Variants in DPEP1 observed in about 807,000 individuals in gnomAD.
DPEP1 encodes beta-lactamase.
In DPEP1, 50 loss-of-function variants were observed where a neutral mutation model predicts 42.3. The ratio of observed to expected loss-of-function variants is 1.18; its 90% CI spans 0.94 to 1.50. The LOEUF is 1.50. DPEP1 is among the 40% of genes most tolerant of loss of function. The probability of loss-of-function intolerance (pLI) is 0.00; values close to 1 mark genes in which losing one functional copy is unlikely to be tolerated. For missense variants in DPEP1, 663 were observed against 553.0 expected, an observed-to-expected ratio of 1.20 and a Z score of -1.99; for synonymous variants, 297 against 234.0, an observed-to-expected ratio of 1.27 and a Z score of -2.46.
chr16:89,628,281 G>C (rs60712648), intron 1 of DPEP1, among the ~76,000 whole-genome samples: 2 of 130,014 alleles, frequency 1.5e-5, no homozygotes, highest in African/African-American at 5.7e-5. Context: ...TTGTGAGATA[G>C]AGATTTACTC....
intron 1 of DPEP1, among the ~76,000 whole-genome samples, chr16:89,623,965 G>A (rs889646294): frequency 2.0e-5 from 3 of 152,094 alleles, no homozygotes; most frequent in East Asian, 3.9e-4. Flanking sequence ...AGGGAACAGC[G>A]GTTGCCCACA....
At position 89,635,977 on chromosome 16, in the gene DPEP1, G is replaced by T; in HGVS notation, c.174G>T (p.Leu58=). The T allele has an allele frequency of 6.2e-7, 1 of 1,612,314 alleles. No homozygotes were observed. Among genetic ancestry groups the T allele is most frequent in the Non-Finnish European group, 8.5e-7 (1 of 1,179,764 alleles). ...NNRLQDERAN[L]TTLAGTHTNI... is the part of the protein sequence containing the mutation. ...GGCTGCAGGACGAGAGGGCCAACCT[G>T]ACCACCTTGGCCGGCACACACACCA... Residue 58 remains leucine, a synonymous_variant, in exon 3 of 11, where the codon CTG becomes CTT. Coordinates refer to ENST00000690203, the MANE Select transcript of DPEP1 (RefSeq NM_001389466.1).
chr16:89,615,539 G>A (rs1029238363), intron 1 of DPEP1, among the ~76,000 whole-genome samples: 2 of 152,228 alleles, frequency 1.3e-5, no homozygotes, highest in African/African-American at 4.8e-5. Flanking sequence ...GTGGGTTAAA[G>A]GGCAGGACAC....
intron 1 of DPEP1, among the ~76,000 whole-genome samples, chr16:89,621,245 C>T (rs1049035794): frequency 2.0e-4 from 30 of 147,530 alleles, no homozygotes; most frequent in African/African-American, 5.8e-4. Flanking sequence ...GAAGAGCTCG[C>T]GCCCTGGTGC....
chr16:89,637,442 T>C (rs2059696990), intron 7 of DPEP1, 26 bp from the exon 8 acceptor site: 3 of 1,612,826 alleles, frequency 1.9e-6, no homozygotes, highest in Non-Finnish European at 2.5e-6. Context: ...AGCTCTCAGC[T>C]TCACCCTGTC....
In DPEP1 at chr16:89,622,214, C is replaced by T. The variant is rs140926948; in HGVS notation, c.-106-8091C>T. Among the ~76,000 whole-genome samples the T allele has an allele frequency of 1.8e-3, 281 of 152,240 alleles. 1 individual carries two copies. The highest frequency in any genetic ancestry group is 6.3e-3 in the African/African-American group (262 of 41,532). ...CAACGCTTCTCTAAACATTAACTTT[C>T]GGGGCCAGGACTACTAACCCCAGCT... On this transcript the variant is annotated intron_variant, in intron 1 of 10. Coordinates refer to ENST00000690203, the MANE Select transcript of DPEP1 (RefSeq NM_001389466.1).
chr16:89,636,734 G>A (rs776671332), intron 5 of DPEP1, 51 bp downstream of exon 5: 17 of 1,605,440 alleles, frequency 1.1e-5, no homozygotes, highest in Non-Finnish European at 1.4e-5. Flanking sequence ...GAGGGAGGGG[G>A]CAGACACTCC....
At chr16:89,624,481 C>T (rs553000259) in intron 1 of DPEP1, among the ~76,000 whole-genome samples, 1 of 151,650 alleles carries the variant, frequency 6.6e-6, no homozygotes, top group East Asian at 1.9e-4. Flanking sequence ...TTTATTAAAG[C>T]GAGAAAGGTC....
chr16:89,614,103 T>G (rs532650596), intron 1 of DPEP1, among the ~76,000 whole-genome samples: 66 of 151,612 alleles, frequency 4.4e-4, no homozygotes, highest in African/African-American at 1.5e-3. Context: ...GGGCCAGGTG[T>G]GTGGGGCAGG....
intron 1 of DPEP1, among the ~76,000 whole-genome samples, chr16:89,618,034 AAAAAAT>A (rs1047526748): frequency 6.6e-6 from 1 of 152,126 alleles, no homozygotes; most frequent in Non-Finnish European, 1.5e-5. Context: ...AAAAAATATA[AAAAAAT>A]AAAAATAAAA....
chr16:89,623,960 A>G (rs1240148418), intron 1 of DPEP1, among the ~76,000 whole-genome samples: 2 of 152,136 alleles, frequency 1.3e-5, no homozygotes, highest in Non-Finnish European at 2.9e-5. Context: ...CCTGGAGGGA[A>G]CAGCGGTTGC....
chr16:89,625,500 A>T (rs1034506103), intron 1 of DPEP1, among the ~76,000 whole-genome samples: 1 of 152,214 alleles, frequency 6.6e-6, no homozygotes, highest in Non-Finnish European at 1.5e-5. Flanking sequence ...AAACTCTATC[A>T]GGACTATAAA....
At chr16:89,625,818 A>G (rs2059504409) in intron 1 of DPEP1, among the ~76,000 whole-genome samples, 1 of 152,212 alleles carries the variant, frequency 6.6e-6, no homozygotes, top group Non-Finnish European at 1.5e-5. Context: ...AGGTACATCC[A>G]TGACTTCTAC....
intron 1 of DPEP1, among the ~76,000 whole-genome samples, chr16:89,614,957 A>G (rs918057342): frequency 1.1e-4 from 17 of 152,168 alleles, no homozygotes; most frequent in African/African-American, 3.6e-4. Context: ...AATGGCTCTT[A>G]CACAGCCAAG....
intron 2 of DPEP1, among the ~76,000 whole-genome samples, chr16:89,634,288 C>T (rs1004740970): frequency 3.2e-4 from 48 of 151,912 alleles, no homozygotes; most frequent in Non-Finnish European, 4.9e-4. Flanking sequence ...GGGGTTTCAC[C>T]ATGTTAGCCA....
intron 1 of DPEP1, among the ~76,000 whole-genome samples, chr16:89,623,356 C>T (rs576747813): frequency 2.0e-5 from 3 of 152,162 alleles, no homozygotes; most frequent in South Asian, 4.2e-4. Context: ...CTCCGGAGCT[C>T]GCCCCACACA....
At chr16:89,638,025 GC>G (rs771564303) in intron 10 of DPEP1, 26 bp from the exon 11 acceptor site, 15 of 1,610,558 alleles carry the variant, frequency 9.3e-6, no homozygotes, top group East Asian at 2.2e-5. Context: ...CAGGCAGGCT[GC>G]CCCACCCGTG....
In DPEP1 at chr16:89,636,625, G is replaced by A. The variant is rs77417030; in HGVS notation, c.463G>A (p.Ala155Thr). 30 of 1,612,610 alleles carry A rather than the reference G, an allele frequency of 1.9e-5. 1 individual carries two copies. In the East Asian group the frequency reaches 6.5e-4, roughly 35 times the overall value. Residue 155 changes from alanine (A) to threonine (T), a missense_variant, in exon 5 of 11, where the codon GCA becomes ACA. By Grantham distance (58) the Ala-to-Thr change is moderately conservative (BLOSUM62 0). Transcript: ENST00000690203. ...TGACAGCAGTTTGGGCGTCCTGCGG[G>A]CACTCTATCAGCTGGGCATGCGGTA... ...SIDSSLGVLR[A>T]LYQLGMRYLT...
intron 1 of DPEP1, among the ~76,000 whole-genome samples, chr16:89,615,998 G>A (rs1162309938): frequency 6.6e-6 from 1 of 152,116 alleles, no homozygotes; most frequent in African/African-American, 2.4e-5. Flanking sequence ...ACTTGAACCT[G>A]GGAGGCAGAG....
Sources: gnomAD v4.1 joint callset for allele counts (sites outside exome capture counted in the v4.1 genomes callset) on GRCh38, gnomAD v4.1.1 for gene constraint, MANE v1.5 for transcripts, NCBI Gene and HGNC (gene_info 2026-07-23, HGNC 2026-07-21) for gene names.